Variants in KLF18 observed in about 807,000 individuals in gnomAD.
KLF18 encodes the protein KLF transcription factor 18.
chr1:44,139,882 A>T lies in KLF18; in HGVS notation c.1750T>A (p.Cys584Ser). 1 of 380,856 alleles carries T rather than the reference A, an allele frequency of 2.6e-6. No individual in the cohort carries two copies. Among genetic ancestry groups the T allele is most frequent in the Non-Finnish European group, 4.6e-6 (1 of 215,446 alleles). 23.6% of individuals were successfully genotyped at this position (380,856 alleles called of 1,614,324 possible). A position where few individuals can be genotyped will look rare whatever the true frequency, so the allele number is the denominator to read the frequency against. The stretch of plus-strand genomic sequence containing the variant: ...GTGGAGGTCGTCATCTGCTCTCCAC[A>T]GAGGGTCTGGTTACTAGTGGAGGTC... ...ITTSTSNQTL[C>S]GEQMTTSTSN... Residue 584 changes from cysteine to serine, a missense_variant, in exon 1 of 2, where the codon TGT becomes AGT. Coordinates refer to ENST00000634670, the MANE Select transcript of KLF18 (RefSeq NM_001358438.1).
Position 44,138,976 on chromosome 1 carries a change from T to C in KLF18, c.2656A>G (p.Ser886Gly). 2.5e-6 allele frequency: 1 copy of C among 398,608 alleles called. No homozygotes were observed. The highest frequency in any genetic ancestry group is 4.4e-6 in the Non-Finnish European group (1 of 226,168). The allele number at this position is 398,608 out of a possible 1,614,324, so 24.7% of individuals were successfully genotyped here. ...TCCCCATAGAGGGTCTGGTTGCCAC[T>C]ATATGTTGCCATCTGGCCTCCATAG... ...ALYGGQMATY[S>G]GNQTLYGDQM... is the part of the protein sequence containing the mutation. The change falls in exon 1 of 2, where the codon AGT (serine) becomes GGT (glycine). Residue 886 changes from serine to glycine, a missense_variant. Transcript: ENST00000634670.
Position 44,140,671 on chromosome 1 carries a change from G to T in KLF18, c.961C>A (p.Gln321Lys). ...TGGTTACCAGTGGAGGTCGTCATCT[G>T]CCCTCCACAGAGGGCTTGGTTACCA... ...STGNQALCGG[Q>K]MTTSTGNQNL... Residue 321 changes from glutamine to lysine, a missense_variant, in exon 1 of 2, where the codon CAG becomes AAG. By Grantham distance (53) the Gln-to-Lys change is moderately conservative (BLOSUM62 1). Coordinates refer to ENST00000634670, the MANE Select transcript of KLF18 (RefSeq NM_001358438.1). 4 of 396,188 alleles carry T rather than the reference G, an allele frequency of 1.0e-5. No homozygotes were observed. In the Admixed American group the frequency reaches 1.8e-4, roughly 18 times the overall value. The allele number at this position is 396,188 out of a possible 1,614,324, so 24.5% of individuals were successfully genotyped here. A position where few individuals can be genotyped will look rare whatever the true frequency, so the allele number is the denominator to read the frequency against.
intron 1 of KLF18, 72 bp from the exon 2 acceptor site, chr1:44,138,083 A>C (rs905602731): frequency 2.3e-5 from 9 of 398,036 alleles, no homozygotes; most frequent in Middle Eastern, 6.2e-4. Context: ...TAAAGTGAAC[A>C]AGAAAACGTT....
rs1643196828 is a variant in KLF18, at chr1:44,138,869, A to T, written c.2763T>A (p.His921Gln). The change falls in exon 1 of 2, where the codon CAT becomes CAA. Residue 921 changes from histidine (H) to glutamine (Q), a missense_variant. Coordinates refer to ENST00000634670, the MANE Select transcript of KLF18 (RefSeq NM_001358438.1). ...CTGGGTATGGCAATGATGAGAACTGATGGGACATCATATATCCCCCATAAA... is the reference window on the plus strand; with the variant it reads ...CTGGGTATGGCAATGATGAGAACTGTTGGGACATCATATATCCCCCATAAA... ...HSLYGGYMMS[H>Q]QFSSLPYPGF... 1 of 398,616 alleles carries T rather than the reference A, an allele frequency of 2.5e-6. No individual in the cohort carries two copies. The highest frequency in any genetic ancestry group is 2.1e-5 in the African/African-American group (1 of 48,730). 24.7% of individuals were successfully genotyped at this position (398,616 alleles called of 1,614,324 possible).
chr1:44,140,996 T>C lies in KLF18; in HGVS notation c.636A>G (p.Gln212=). 1 of 398,582 alleles carries C rather than the reference T, an allele frequency of 2.5e-6. No homozygotes were observed. Among genetic ancestry groups the C allele is most frequent in the Non-Finnish European group, 4.4e-6 (1 of 226,122 alleles). 24.7% of individuals were successfully genotyped at this position (398,582 alleles called of 1,614,324 possible). ...CATAGAGGTCTAGACTGGTTGTCAT[T>C]TGGCCCCCAGAGAGGGTCTCATCGC... The part of the protein sequence containing the change: ...SGSDETLSGG[Q]MTTSLDLYGG... The change falls in exon 1 of 2, where the codon CAA becomes CAG. Residue 212 remains glutamine (Q), a synonymous_variant. Coordinates refer to ENST00000634670, the MANE Select transcript of KLF18 (RefSeq NM_001358438.1).
Position 44,138,922 on chromosome 1 carries a change from T to C in KLF18, c.2710A>G (p.Met904Val). The change falls in exon 1 of 2, where the codon ATG becomes GTG. Residue 904 changes from methionine (M) to valine (V), a missense_variant. Transcript: ENST00000634670. ...CTGTGGTCATCAGTGAGCGTTGTCA[T>C]ATTGCCCACCTGAAGAGTCAGCATC... ...DQMLTLQVGNMTTLTDDHSLY... is the reference protein window; with the variant it reads ...DQMLTLQVGNVTTLTDDHSLY... 2.5e-6 allele frequency: 1 copy of C among 398,716 alleles called. No individual in the cohort carries two copies. Among genetic ancestry groups the C allele is most frequent in the Non-Finnish European group, 4.4e-6 (1 of 226,114 alleles). The allele number at this position is 398,716 out of a possible 1,614,324, so 24.7% of individuals were successfully genotyped here. A position where few individuals can be genotyped will look rare whatever the true frequency, so the allele number is the denominator to read the frequency against.
At chr1:44,138,075 A>G (rs571903485) in intron 1 of KLF18, 64 bp from the exon 2 acceptor site, 1 of 398,210 alleles carries the variant, frequency 2.5e-6, no homozygotes, top group South Asian at 1.3e-4. Context: ...GGGACATTTA[A>G]AGTGAACAAG....
rs1173873548 is a variant in KLF18, at chr1:44,139,476, C to G, written c.2156G>C (p.Gly719Ala). 4 of 389,134 alleles carry G rather than the reference C, an allele frequency of 1.0e-5. No individual in the cohort carries two copies. The highest frequency in any genetic ancestry group is 2.1e-5 in the African/African-American group (1 of 46,850). The allele number at this position is 389,134 out of a possible 1,614,324, so 24.1% of individuals were successfully genotyped here. A position where few individuals can be genotyped will look rare whatever the true frequency, so the allele number is the denominator to read the frequency against. The change falls in exon 1 of 2, where the codon GGT becomes GCT. Residue 719 changes from glycine (G) to alanine (A), a missense_variant. Transcript: ENST00000634670. ...LCGEQVTTST[G>A]NQALYGGQMM... Reference sequence around the variant, plus strand: ...CTGCCCCCCATAGAGGGCCTGGTTACCAGTGGAGGTCGTCACCTGCTCCCC... The same window carrying G: ...CTGCCCCCCATAGAGGGCCTGGTTAGCAGTGGAGGTCGTCACCTGCTCCCC...
rs540006283 is a variant in KLF18, at chr1:44,137,974, C to T, written c.3006G>A (p.Thr1002=). 9 of 398,606 alleles carry T rather than the reference C, an allele frequency of 2.3e-5. No homozygotes were observed. Among genetic ancestry groups the T allele is most frequent in the South Asian group, 2.5e-4 (2 of 7,858 alleles). 24.7% of individuals were successfully genotyped at this position (398,606 alleles called of 1,614,324 possible). ...KPYVCDVEGC[T]WKFARSDELN... is the part of the protein sequence containing the mutation. ...GCTCATCTGAGCGGGCAAATTTCCACGTACATCCCTCTACATCGCATACAT... is the reference window on the plus strand; with the variant it reads ...GCTCATCTGAGCGGGCAAATTTCCATGTACATCCCTCTACATCGCATACAT... Residue 1002 remains threonine, a synonymous_variant, in exon 2 of 2, where the codon ACG becomes ACA. Transcript: ENST00000634670.
Position 44,141,567 on chromosome 1 carries a change from C to T in KLF18, c.65G>A (p.Arg22Gln), listed in dbSNP as rs780126374. 4.0e-5 allele frequency: 16 copies of T among 398,428 alleles called. No individual in the cohort carries two copies. Among genetic ancestry groups the T allele is most frequent in the South Asian group, 1.3e-4 (1 of 7,858 alleles). 24.7% of individuals were successfully genotyped at this position (398,428 alleles called of 1,614,324 possible). The change falls in exon 1 of 2, where the codon CGG (arginine) becomes CAG (glutamine). Residue 22 changes from arginine to glutamine, a missense_variant. By Grantham distance (43) the Arg-to-Gln change is conservative. Transcript: ENST00000634670. ...IEKFFQHLSE[R>Q]HTEQAETPDA... is the part of the protein sequence containing the mutation. The stretch of plus-strand genomic sequence containing the variant: ...TGGGGTTTCTGCCTGTTCTGTATGC[C>T]GCTCAGAGAGATGCTGGAAAAATTT...
In KLF18 at chr1:44,139,796, ATAGAGGGCCTGGTTAC is replaced by A; in HGVS notation, c.1820_1835del (p.Gly607ValfsTer5). On this transcript the variant is annotated frameshift_variant, in exon 1 of 2. Coordinates refer to ENST00000634670, the MANE Select transcript of KLF18 (RefSeq NM_001358438.1). LOFTEE classifies it high-confidence loss of function. ...CAGTGGAGGTCATCATCTGCCCCCCATAGAGGGCCTGGTTACCAGTGGAGGTCGTCACCTGCTCCCC... is the reference window on the plus strand; with the variant it reads ...CAGTGGAGGTCATCATCTGCCCCCCACAGTGGAGGTCGTCACCTGCTCCCC... 2.6e-6 allele frequency: 1 copy of A among 377,912 alleles called. No individual in the cohort carries two copies. The highest frequency in any genetic ancestry group is 2.3e-5 in the African/African-American group (1 of 43,008). The allele number at this position is 377,912 out of a possible 1,614,324, so 23.4% of individuals were successfully genotyped here. A position where few individuals can be genotyped will look rare whatever the true frequency, so the allele number is the denominator to read the frequency against.
In KLF18 at chr1:44,141,544, G is replaced by C. The variant is rs915394877; in HGVS notation, c.88C>G (p.Pro30Ala). 1.3e-5 allele frequency: 5 copies of C among 398,470 alleles called. No homozygotes were observed. The highest frequency in any genetic ancestry group is 1.0e-4 in the African/African-American group (5 of 48,594). The allele number at this position is 398,470 out of a possible 1,614,324, so 24.7% of individuals were successfully genotyped here. ...CAGTTCTGTGGTTCTGGTGCATCTG[G>C]GGTTTCTGCCTGTTCTGTATGCCGC... ...SERHTEQAETPDAPEPQNCMP... is the reference protein window; with the variant it reads ...SERHTEQAETADAPEPQNCMP... The change falls in exon 1 of 2, where the codon CCA (proline) becomes GCA (alanine). Residue 30 changes from proline (P) to alanine (A), a missense_variant. Transcript: ENST00000634670.
Position 44,141,457 on chromosome 1 carries a change from G to T in KLF18, c.175C>A (p.Pro59Thr). Residue 59 changes from proline (P) to threonine (T), a missense_variant, in exon 1 of 2, where the codon CCT becomes ACT. Transcript: ENST00000634670. ...QHESTQSKTMPPLGSTMMTSA... is the reference protein window; with the variant it reads ...QHESTQSKTMTPLGSTMMTSA... ...GTCATCATTGTGGACCCCAAGGGAG[G>T]CATCGTCTTGCTCTGGGTTGACTCA... 2.5e-6 allele frequency: 1 copy of T among 398,640 alleles called. No individual in the cohort carries two copies. The highest frequency in any genetic ancestry group is 4.4e-6 in the Non-Finnish European group (1 of 226,144). The allele number at this position is 398,640 out of a possible 1,614,324, so 24.7% of individuals were successfully genotyped here.
Position 44,139,425 on chromosome 1 carries a change from G to T in KLF18, c.2207C>A (p.Thr736Asn), listed in dbSNP as rs867012290. The T allele has an allele frequency of 1.2e-4, 30 of 253,766 alleles. 2 individuals are homozygous for T. The highest frequency in any genetic ancestry group is 1.2e-3 in the Admixed American group (19 of 16,098). 15.7% of individuals were successfully genotyped at this position (253,766 alleles called of 1,614,324 possible). Residue 736 changes from threonine to asparagine, a missense_variant, in exon 1 of 2, where the codon ACC (threonine) becomes AAC (asparagine). Coordinates refer to ENST00000634670, the MANE Select transcript of KLF18 (RefSeq NM_001358438.1). ...GQMMTSTGNQ[T>N]LYWGQMMTST... The stretch of plus-strand genomic sequence containing the variant: ...GGTCATCATCTGCCCCCAGTAGAGG[G>T]TCTGGTTACCAGTGGAGGTCATCAT...
At position 44,139,736 on chromosome 1, in the gene KLF18, G is replaced by T; in HGVS notation, c.1896C>A (p.Thr632=). The change falls in exon 1 of 2, where the codon ACC becomes ACA. Residue 632 remains threonine (T), a synonymous_variant. Transcript: ENST00000634670. ...CACAGAGGGTCTGGTTACTAGCAGA[G>T]GTTGTCATCTGCCCCCCGTAGAGGG... is the stretch of plus-strand genomic sequence containing the variant. ...NQALYGGQMT[T]SASNQTLCGE... is the part of the protein sequence containing the mutation. The T allele has an allele frequency of 2.5e-6, 1 of 394,868 alleles. No homozygotes were observed. The highest frequency in any genetic ancestry group is 4.4e-6 in the Non-Finnish European group (1 of 225,338). The allele number at this position is 394,868 out of a possible 1,614,324, so 24.5% of individuals were successfully genotyped here.
chr1:44,141,202 A>T lies in KLF18; in HGVS notation c.430T>A (p.Ser144Thr). The T allele has an allele frequency of 2.5e-6, 1 of 398,412 alleles. No homozygotes were observed. Among genetic ancestry groups the T allele is most frequent in the Non-Finnish European group, 4.4e-6 (1 of 226,070 alleles). The allele number at this position is 398,412 out of a possible 1,614,324, so 24.7% of individuals were successfully genotyped here. A position where few individuals can be genotyped will look rare whatever the true frequency, so the allele number is the denominator to read the frequency against. Residue 144 changes from serine to threonine, a missense_variant, in exon 1 of 2, where the codon TCC becomes ACC. Transcript: ENST00000634670. ...TTITASNMTI[S>T]NESSQLNTPS... ...GTGTTCAGCTGGCTACTTTCATTGG[A>T]GATTGTCATGTTGCTTGCAGTGATG...
chr1:44,138,292 T>A (rs1426118877), intron 1 of KLF18, among the ~76,000 whole-genome samples: 1 of 151,456 alleles, frequency 6.6e-6, no homozygotes, highest in East Asian at 1.9e-4. Flanking sequence ...GTGGGGGGAA[T>A]AAGGAGGATG....
Position 44,140,109 on chromosome 1 carries a change from G to T in KLF18, c.1523C>A (p.Thr508Asn). The T allele has an allele frequency of 2.6e-6, 1 of 391,724 alleles. No individual in the cohort carries two copies. Among genetic ancestry groups the T allele is most frequent in the Non-Finnish European group, 4.5e-6 (1 of 224,486 alleles). 24.3% of individuals were successfully genotyped at this position (391,724 alleles called of 1,614,324 possible). A position where few individuals can be genotyped will look rare whatever the true frequency, so the allele number is the denominator to read the frequency against. Residue 508 changes from threonine to asparagine, a missense_variant, in exon 1 of 2, where the codon ACT becomes AAT. Coordinates refer to ENST00000634670, the MANE Select transcript of KLF18 (RefSeq NM_001358438.1). ...CTCTCCACAGAGGTTCTGGTTACCA[G>T]TGGAGGTCATCATCTGCCCCCAGTA... ...TLYWGQMMTS[T>N]GNQNLCGEQM...
Position 44,138,913 on chromosome 1 carries a change from G to T in KLF18, c.2719C>A (p.Leu907Ile). The T allele has an allele frequency of 2.5e-6, 1 of 398,692 alleles. No individual in the cohort carries two copies. The highest frequency in any genetic ancestry group is 4.4e-6 in the Non-Finnish European group (1 of 226,112). The allele number at this position is 398,692 out of a possible 1,614,324, so 24.7% of individuals were successfully genotyped here. The change falls in exon 1 of 2, where the codon CTC becomes ATC. Residue 907 changes from leucine (L) to isoleucine (I), a missense_variant. Transcript: ENST00000634670. ...LTLQVGNMTT[L>I]TDDHSLYGGY... The stretch of plus-strand genomic sequence containing the variant: ...CCATAAAGGCTGTGGTCATCAGTGA[G>T]CGTTGTCATATTGCCCACCTGAAGA...
Sources: allele counts gnomAD v4.1 joint callset (sites outside exome capture counted in the v4.1 genomes callset), GRCh38; gene constraint gnomAD v4.1.1; transcripts MANE v1.5; gene names NCBI Gene and HGNC (gene_info 2026-07-23, HGNC 2026-07-21).